The following NRG3 variants were observed in gnomAD, a reference collection of about 807,000 sequenced individuals.
NRG3 encodes pro-neuregulin-3, membrane-bound isoform.
In NRG3, 31 loss-of-function variants were observed where a neutral mutation model predicts 66.9. The observed-to-expected ratio is 0.46, with a 90% CI of 0.35 to 0.63. The LOEUF is 0.63. Among genes scored for constraint, NRG3 ranks in the 20% least tolerant of loss-of-function variants. NRG3 has a pLI of 0.00. For missense variants in NRG3, 910 were observed against 878.9 expected, an observed-to-expected ratio of 1.04 and a Z score of -0.45; for synonymous variants, 393 against 359.4, an observed-to-expected ratio of 1.09 and a Z score of -1.06.
chr10:81,905,370 T>A (rs1377867724), intron 1 of NRG3, among the ~76,000 whole-genome samples: 2 of 152,206 alleles, frequency 1.3e-5, no homozygotes, highest in Non-Finnish European at 2.9e-5. Flanking sequence ...GCAAAGCCTC[T>A]GGCTACCTGG....
chr10:82,962,467 G>T (rs540382834), intron 6 of NRG3, among the ~76,000 whole-genome samples: 2 of 152,004 alleles, frequency 1.3e-5, no homozygotes, highest in Non-Finnish European at 2.9e-5. Context: ...TTTAAGAAAG[G>T]TAAGTTTATG....
At chr10:82,190,717 A>G (rs1377658867) in intron 1 of NRG3, among the ~76,000 whole-genome samples, 1 of 152,078 alleles carries the variant, frequency 6.6e-6, no homozygotes, top group Non-Finnish European at 1.5e-5. Flanking sequence ...TAGGGAAGAA[A>G]CTCCTGAGAA....
Position 82,021,783 on chromosome 10 carries a change from AGTATGTGTGTGTGTGT to A in NRG3, c.823+145623_823+145638del, listed in dbSNP as rs1298159276. On this transcript the variant is annotated intron_variant, in intron 1 of 8. Coordinates refer to ENST00000372141, the MANE Select transcript of NRG3 (RefSeq NM_001010848.4). ...AACTCTAATAAGCTTTTGGGCATGT[AGTATGTGTGTGTGTGT>A]GTGTGTGTGTGTGTGTGTGTGTGTG... Among the ~76,000 whole-genome samples, 991 of 146,392 alleles carry A rather than the reference AGTATGTGTGTGTGTGT, an allele frequency of 6.8e-3. 11 individuals carry two copies. The highest frequency in any genetic ancestry group is 0.018 in the East Asian group (85 of 4,756).
At chr10:82,285,645 C>T (rs7072670) in intron 1 of NRG3, among the ~76,000 whole-genome samples, 69,546 of 151,932 alleles carry the variant, frequency 0.46, 19,253 homozygotes, top group African/African-American at 0.78. Context: ...TCAGAACACA[C>T]GCCAAGGCTG....
chr10:82,948,235 A>G (rs1000283004), intron 4 of NRG3, among the ~76,000 whole-genome samples: 1 of 152,068 alleles, frequency 6.6e-6, no homozygotes, highest in African/African-American at 2.4e-5. Context: ...TAAGTTTCGA[A>G]TATTATATTT....
In NRG3 at chr10:81,971,383, G is replaced by A. The variant is rs547494406; in HGVS notation, c.823+95220G>A. 2.0e-5 allele frequency among the ~76,000 whole-genome samples: 3 copies of A among 152,272 alleles called. No homozygotes were observed. The South Asian group carries it at 6.2e-4, about 32-fold the overall frequency. On this transcript the variant is annotated intron_variant, in intron 1 of 8. Transcript: ENST00000372141. Reference sequence around the variant, plus strand: ...GAATTTCTAAGAGTTGAGATGTAAAGTATTGTTTACCACTGATAAAGACTT... The same window carrying A: ...GAATTTCTAAGAGTTGAGATGTAAAATATTGTTTACCACTGATAAAGACTT...
intron 2 of NRG3, among the ~76,000 whole-genome samples, chr10:82,476,363 C>T (rs749551447): frequency 3.9e-5 from 6 of 152,026 alleles, no homozygotes; most frequent in African/African-American, 1.2e-4. Flanking sequence ...GGTATATACT[C>T]GAAATAATTG....
intron 3 of NRG3, among the ~76,000 whole-genome samples, chr10:82,852,288 G>C (rs1191868451): frequency 1.3e-5 from 2 of 152,016 alleles, no homozygotes; most frequent in Non-Finnish European, 2.9e-5. Flanking sequence ...ACCGGGGCCT[G>C]TCAGGGGCGT....
chr10:82,410,323 G>T (rs1296707561), intron 2 of NRG3, among the ~76,000 whole-genome samples: 1 of 151,812 alleles, frequency 6.6e-6, no homozygotes, highest in Non-Finnish European at 1.5e-5. Context: ...ATTTCTTAAT[G>T]AAGGCATTGA....
chr10:81,961,536 A>G (rs1164384565), intron 1 of NRG3, among the ~76,000 whole-genome samples: 1 of 152,172 alleles, frequency 6.6e-6, no homozygotes, highest in Non-Finnish European at 1.5e-5. Context: ...ACATCTCTCA[A>G]TTTCCTTTAT....
chr10:81,942,831 G>A (rs1468812543), intron 1 of NRG3, among the ~76,000 whole-genome samples: 1 of 152,114 alleles, frequency 6.6e-6, no homozygotes, highest in Non-Finnish European at 1.5e-5. Flanking sequence ...ATTCAGCTAT[G>A]ATATAATTAT....
chr10:81,976,749 CA>C (rs1183057020), intron 1 of NRG3, among the ~76,000 whole-genome samples: 3 of 152,170 alleles, frequency 2.0e-5, no homozygotes, highest in Non-Finnish European at 4.4e-5. Flanking sequence ...CAATTCTACA[CA>C]CAATTATTTC....
At chr10:82,694,911 A>G (rs1434576890) in intron 2 of NRG3, among the ~76,000 whole-genome samples, 11 of 152,226 alleles carry the variant, frequency 7.2e-5, no homozygotes, top group Admixed American at 5.9e-4. Flanking sequence ...GAACTTAAAT[A>G]GATAACATAA....
At chr10:82,030,828 A>C (rs143138395) in intron 1 of NRG3, among the ~76,000 whole-genome samples, 4 of 152,242 alleles carry the variant, frequency 2.6e-5, no homozygotes, top group Admixed American at 2.6e-4. Flanking sequence ...AGAAGGTTTA[A>C]AACAACGTTC....
intron 1 of NRG3, among the ~76,000 whole-genome samples, chr10:82,078,344 A>T (rs896753511): frequency 6.6e-6 from 1 of 152,076 alleles, no homozygotes; most frequent in African/African-American, 2.4e-5. Flanking sequence ...TGCTCTACAC[A>T]TTATCATTAT....
chr10:82,136,268 C>G (rs1216303469), intron 1 of NRG3, among the ~76,000 whole-genome samples: 1 of 152,196 alleles, frequency 6.6e-6, no homozygotes, highest in African/African-American at 2.4e-5. Flanking sequence ...TGGAACTGCT[C>G]TGGTTCAGAC....
At chr10:82,864,648 G>A (rs942903605) in intron 3 of NRG3, among the ~76,000 whole-genome samples, 3 of 152,222 alleles carry the variant, frequency 2.0e-5, no homozygotes, top group Non-Finnish European at 4.4e-5. Flanking sequence ...CTTGGGTCCA[G>A]CCCAGTACAG....
At chr10:81,901,807 G>C (rs1406589854) in intron 1 of NRG3, among the ~76,000 whole-genome samples, 1 of 152,182 alleles carries the variant, frequency 6.6e-6, no homozygotes, top group Non-Finnish European at 1.5e-5. Flanking sequence ...AGGTTATGAG[G>C]AGAGATTGTG....
chr10:82,220,054 T>C (rs749030721), intron 1 of NRG3, among the ~76,000 whole-genome samples: 53 of 151,592 alleles, frequency 3.5e-4, no homozygotes, highest in Non-Finnish European at 6.6e-4. Context: ...AAGACGTGAG[T>C]AGAGAAAAAT....
Sources: gnomAD v4.1 joint callset for allele counts (sites outside exome capture counted in the v4.1 genomes callset) on GRCh38, gnomAD v4.1.1 for gene constraint, MANE v1.5 for transcripts, NCBI Gene and HGNC (gene_info 2026-07-23, HGNC 2026-07-21) for gene names.